ANKRD7: variants seen among roughly 807,000 people sequenced by gnomAD.
ANKRD7 encodes the protein ankyrin repeat domain-containing protein 7.
A neutral mutation model predicts 30.8 loss-of-function variants in ANKRD7; 30 were observed. The observed-to-expected ratio is 0.97, with a 90% confidence interval of 0.73 to 1.32. The LOEUF (loss-of-function observed/expected upper bound fraction) is 1.32. ANKRD7 is among the 40% of genes most tolerant of loss of function. ANKRD7 has a pLI of 0.00. For missense variants in ANKRD7, 264 were observed against 295.7 expected (o/e 0.89, Z 0.79); for synonymous variants, 97 against 106.6 (o/e 0.91, Z 0.55).
intron 4 of ANKRD7, among the ~76,000 whole-genome samples, 187 bp from the exon 5 acceptor site, chr7:118,236,603 A>G (rs1253078662): frequency 6.6e-6 from 1 of 152,208 alleles, no homozygotes; most frequent in Non-Finnish European, 1.5e-5. Flanking sequence ...GTTCATGTTT[A>G]GACTCCATGA....
In ANKRD7 at chr7:118,242,365, T is replaced by G. The variant is rs1160569994; in HGVS notation, c.*54T>G. 1 of 152,200 alleles carries G rather than the reference T, an allele frequency of 6.6e-6. No individual in the cohort carries two copies. Among genetic ancestry groups the G allele is most frequent in the Non-Finnish European group, 1.5e-5 (1 of 68,014 alleles). 9.4% of individuals were successfully genotyped at this position (152,200 alleles called of 1,614,324 possible). A position where few individuals can be genotyped will look rare whatever the true frequency, so the allele number is the denominator to read the frequency against. On this transcript the variant is annotated 3_prime_UTR_variant, in exon 7 of 7. Transcript: ENST00000265224. ...GTTTCCTAGATATGGAACCCATTTC[T>G]ACAATTTCTTTGCCGCTTCCTTGAA...
intron 3 of ANKRD7, 131 bp downstream of exon 3, chr7:118,235,005 G>C: frequency 1.4e-6 from 1 of 708,640 alleles, no homozygotes; most frequent in South Asian, 2.6e-5. Flanking sequence ...TGGGGAGAAA[G>C]AGAAGAGATT....
chr7:118,227,006 T>C (rs1475651536), intron 1 of ANKRD7, among the ~76,000 whole-genome samples: 1 of 152,212 alleles, frequency 6.6e-6, no homozygotes, highest in East Asian at 1.9e-4. Context: ...AGTTTTACTA[T>C]TGCTATTTTG....
intron 5 of ANKRD7, among the ~76,000 whole-genome samples, chr7:118,238,274 T>C (rs996926441): frequency 3.3e-5 from 5 of 152,170 alleles, no homozygotes; most frequent in African/African-American, 1.2e-4. Flanking sequence ...ATATTTTCAA[T>C]GTCGAAAATT....
Position 118,242,656 on chromosome 7 carries a change from A to C in ANKRD7, c.*345A>C, listed in dbSNP as rs1809865080. On this transcript the variant is annotated 3_prime_UTR_variant, in exon 7 of 7. Coordinates refer to ENST00000265224, the MANE Select transcript of ANKRD7 (RefSeq NM_019644.4). ...GAAACTGTGTTAGGCATGTATTAAA[A>C]CATTTAAATAAAATAAAAATACATT... 6.6e-6 allele frequency: 1 copy of C among 152,192 alleles called. No homozygotes were observed. The highest frequency in any genetic ancestry group is 1.5e-5 in the Non-Finnish European group (1 of 68,024). The allele number at this position is 152,192 out of a possible 1,614,324, so 9.4% of individuals were successfully genotyped here.
At position 118,234,464 on chromosome 7, in the gene ANKRD7, T is replaced by C; in HGVS notation, c.213T>C (p.His71=). 7 of 1,612,746 alleles carry C rather than the reference T, an allele frequency of 4.3e-6. No individual in the cohort carries two copies. Among genetic ancestry groups the C allele is most frequent in the Non-Finnish European group, 5.9e-6 (7 of 1,179,522 alleles). Residue 71 remains histidine, a synonymous_variant, in exon 2 of 7, where the codon CAT becomes CAC. Coordinates refer to ENST00000265224, the MANE Select transcript of ANKRD7 (RefSeq NM_019644.4). ...TGCACCTAGCCTGTGCTAATGGACA[T>C]ACAGATGTTGTACTTTTCCTAATTG... ...TPLHLACANG[H]TDVVLFLIEQ...
chr7:118,227,761 T>C (rs1455128922), intron 1 of ANKRD7, among the ~76,000 whole-genome samples: 1 of 152,188 alleles, frequency 6.6e-6, no homozygotes, highest in Admixed American at 6.5e-5. Flanking sequence ...ACAGTAAATA[T>C]GTACTATCAG....
intron 4 of ANKRD7, among the ~76,000 whole-genome samples, 179 bp from the exon 5 acceptor site, chr7:118,236,611 T>C (rs960905672): frequency 3.3e-5 from 5 of 152,218 alleles, no homozygotes; most frequent in Non-Finnish European, 7.3e-5. Flanking sequence ...TTAGACTCCA[T>C]GATATGATCT....
At position 118,236,063 on chromosome 7, in the gene ANKRD7, T is replaced by C; in HGVS notation, c.491T>C (p.Val164Ala). 1 of 1,597,572 alleles carries C rather than the reference T, an allele frequency of 6.3e-7. No homozygotes were observed. The highest frequency in any genetic ancestry group is 1.7e-5 in the Admixed American group (1 of 59,196). ...KNKDGYTPLL[V>A]AVINNNPKMV... is the part of the protein sequence containing the mutation. Reference sequence around the variant, plus strand: ...CAGGATGGGTATACTCCACTATTAGTTGCCGTTATTAACAATAATCCAAAA... The same window carrying C: ...CAGGATGGGTATACTCCACTATTAGCTGCCGTTATTAACAATAATCCAAAA... Residue 164 changes from valine (V) to alanine (A), a missense_variant, in exon 4 of 7, where the codon GTT becomes GCT. Physicochemically the swap from Val to Ala is moderately conservative, Grantham distance 64. Coordinates refer to ENST00000265224, the MANE Select transcript of ANKRD7 (RefSeq NM_019644.4).
intron 1 of ANKRD7, among the ~76,000 whole-genome samples, chr7:118,233,737 G>T (rs1045751395): frequency 6.6e-6 from 1 of 152,026 alleles, no homozygotes; most frequent in Admixed American, 6.6e-5. Flanking sequence ...TAAAAACAAG[G>T]CTATAATGAT....
At chr7:118,236,674 T>C in intron 4 of ANKRD7, 116 bp from the exon 5 acceptor site, 1 of 1,107,122 alleles carries the variant, frequency 9.0e-7, no homozygotes, top group Non-Finnish European at 1.3e-6. Context: ...CATTGTTGCT[T>C]TGACTCTTTC....
chr7:118,224,991 T>C lies in ANKRD7; in HGVS notation c.161T>C (p.Met54Thr), dbSNP rs201977368. Residue 54 changes from methionine to threonine, a missense_variant, in exon 1 of 7, where the codon ATG (methionine) becomes ACG (threonine). Physicochemically the swap from Met to Thr is moderately conservative, Grantham distance 81. Coordinates refer to ENST00000265224, the MANE Select transcript of ANKRD7 (RefSeq NM_019644.4). ...CAGATCAAGAAATATGATGTAAATATGCAGGACAAAAAATACAGGTGACCA... is the reference window on the plus strand; with the variant it reads ...CAGATCAAGAAATATGATGTAAATACGCAGGACAAAAAATACAGGTGACCA... The part of the protein sequence containing the change: ...YLQIKKYDVN[M>T]QDKKYRTPLH... The C allele has an allele frequency of 4.9e-5, 79 of 1,613,710 alleles. No individual in the cohort carries two copies. The highest frequency in any genetic ancestry group is 6.1e-5 in the Non-Finnish European group (72 of 1,179,934).
intron 6 of ANKRD7, among the ~76,000 whole-genome samples, chr7:118,241,697 C>T (rs1177481940): frequency 1.3e-5 from 2 of 151,666 alleles, no homozygotes; most frequent in Admixed American, 6.6e-5. Flanking sequence ...CACCACCATG[C>T]CCGACTAATT....
intron 4 of ANKRD7, 60 bp downstream of exon 4, chr7:118,236,207 CGTATGTGT>C (rs1809726825): frequency 3.4e-6 from 2 of 595,958 alleles, no homozygotes; most frequent in East Asian, 3.2e-5. Flanking sequence ...TGTGTGTGTG[CGTATGTGT>C]GTGTGTGTGT....
intron 3 of ANKRD7, among the ~76,000 whole-genome samples, chr7:118,235,309 A>G (rs1809708986): frequency 1.3e-5 from 2 of 152,146 alleles, no homozygotes; most frequent in Admixed American, 1.3e-4. Flanking sequence ...ATAGCCGATG[A>G]ATTTTTTTAA....
In ANKRD7 at chr7:118,228,021, C is replaced by T. The variant is rs766160992; in HGVS notation, c.179+3012C>T. 4 of 1,305,722 alleles carry T rather than the reference C, an allele frequency of 3.1e-6. No individual in the cohort carries two copies. The Admixed American group carries it at 6.9e-5, about 23-fold the overall frequency. The allele number at this position is 1,305,722 out of a possible 1,614,324, so 80.9% of individuals were successfully genotyped here. On this transcript the variant is annotated intron_variant, in intron 1 of 6. Transcript: ENST00000265224. Reference sequence around the variant, plus strand: ...TCGATAACTTCAATGTGACTTCATTCAGGGGTCAGTTTTTAGTCTTACCTT... The same window carrying T: ...TCGATAACTTCAATGTGACTTCATTTAGGGGTCAGTTTTTAGTCTTACCTT...
At chr7:118,240,869 T>G (rs1438233561) in intron 6 of ANKRD7, among the ~76,000 whole-genome samples, 1 of 152,016 alleles carries the variant, frequency 6.6e-6, no homozygotes, top group Non-Finnish European at 1.5e-5. Context: ...AATATATAGT[T>G]ATTGGCCGGG....
intron 1 of ANKRD7, among the ~76,000 whole-genome samples, chr7:118,233,914 T>C (rs1809682472): frequency 6.6e-6 from 1 of 152,080 alleles, no homozygotes; most frequent in African/African-American, 2.4e-5. Flanking sequence ...GTGTAATAAC[T>C]TAAAATAGGG....
At chr7:118,235,236 G>A (rs1241015043) in intron 3 of ANKRD7, among the ~76,000 whole-genome samples, 1 of 152,036 alleles carries the variant, frequency 6.6e-6, no homozygotes, top group East Asian at 1.9e-4. Flanking sequence ...AATAATAACA[G>A]GGTTGAAATA....
Sources: gnomAD v4.1 joint callset for allele counts (sites outside exome capture counted in the v4.1 genomes callset) on GRCh38, gnomAD v4.1.1 for gene constraint, MANE v1.5 for transcripts, NCBI Gene and HGNC (gene_info 2026-07-23, HGNC 2026-07-21) for gene names.